EFCAB11: variants seen among roughly 807,000 people sequenced by gnomAD.
EFCAB11 encodes EF-hand calcium binding domain 11.
In EFCAB11, 14 loss-of-function variants were observed where a neutral mutation model predicts 23.0. The ratio of observed to expected loss-of-function variants is 0.61; its 90% confidence interval spans 0.40 to 0.95. The LOEUF (loss-of-function observed/expected upper bound fraction) is 0.95. Among genes scored for constraint, EFCAB11 ranks in the 40% least tolerant of loss-of-function variants. The probability of loss-of-function intolerance (pLI) is 0.00; values close to 1 mark genes in which losing one functional copy is unlikely to be tolerated. For synonymous variants in EFCAB11, 65 were observed against 66.6 expected (o/e 0.98, Z 0.11); for missense variants, 198 against 195.8 (o/e 1.01, Z -0.07).
intron 5 of EFCAB11, among the ~76,000 whole-genome samples, chr14:89,860,758 T>A (rs548253068): frequency 3.0e-4 from 46 of 152,356 alleles, no homozygotes; most frequent in African/African-American, 1.1e-3. Context: ...AAATAATGTT[T>A]CTGGGTTACA....
chr14:89,853,142 C>A lies in EFCAB11; in HGVS notation c.411-55818G>T, dbSNP rs181905211. Among the ~76,000 whole-genome samples the A allele has an allele frequency of 3.5e-4, 54 of 152,246 alleles. No homozygotes were observed. The East Asian group carries it at 8.9e-3, about 25-fold the overall frequency. On this transcript the variant is annotated intron_variant, in intron 5 of 5. Coordinates refer to ENST00000316738, the MANE Select transcript of EFCAB11 (RefSeq NM_145231.4). ...TAATTACAATAACAAGTTCAACTGG[C>A]ACAAATAGGCTTGGGAACAAACACA...
At chr14:89,893,680 G>A (rs1210225326) in intron 5 of EFCAB11, among the ~76,000 whole-genome samples, 6 of 151,464 alleles carry the variant, frequency 4.0e-5, no homozygotes, top group Non-Finnish European at 7.4e-5. Flanking sequence ...TGACATCATA[G>A]CCAAGTTATC....
At chr14:89,819,138 T>C (rs1199936717) in intron 5 of EFCAB11, among the ~76,000 whole-genome samples, 1 of 152,188 alleles carries the variant, frequency 6.6e-6, no homozygotes, top group Non-Finnish European at 1.5e-5. Context: ...CCCATCAACA[T>C]GGTACATTGT....
chr14:89,857,214 A>C (rs552116804), intron 5 of EFCAB11, among the ~76,000 whole-genome samples: 1 of 152,348 alleles, frequency 6.6e-6, no homozygotes, highest in Non-Finnish European at 1.5e-5. Flanking sequence ...TCAACCACAA[A>C]TAATAAAAAT....
chr14:89,950,461 T>C (rs1293471935), intron 2 of EFCAB11, among the ~76,000 whole-genome samples: 1 of 152,188 alleles, frequency 6.6e-6, no homozygotes, highest in Non-Finnish European at 1.5e-5. Flanking sequence ...CCTTTCTACT[T>C]TAGACAAATA....
Position 89,864,719 on chromosome 14 carries a change from G to GT in EFCAB11, c.410+66821dup, listed in dbSNP as rs1888032185. ...CTCCCAAAGTGCTGGGATTACAGGC[G>GT]TGAGCCACTATGTCCAGCCACATTT... On this transcript the variant is annotated intron_variant, in intron 5 of 5. Transcript: ENST00000316738. 2.0e-5 allele frequency among the ~76,000 whole-genome samples: 3 copies of GT among 152,104 alleles called. No individual in the cohort carries two copies. The South Asian group carries it at 6.2e-4, about 32-fold the overall frequency.
At chr14:89,881,884 C>A (rs1028207080) in intron 5 of EFCAB11, among the ~76,000 whole-genome samples, 2 of 152,112 alleles carry the variant, frequency 1.3e-5, no homozygotes, top group Non-Finnish European at 2.9e-5. Context: ...AAAATAATTT[C>A]AAACCTGGGT....
chr14:89,924,740 A>G, intron 5 of EFCAB11: 1 of 1,521,406 alleles, frequency 6.6e-7, no homozygotes, highest in Non-Finnish European at 8.8e-7. Flanking sequence ...TAGACAGAGG[A>G]AAATGGAAAG....
chr14:89,929,046 C>T (rs370211128), intron 5 of EFCAB11, among the ~76,000 whole-genome samples: 23,574 of 142,196 alleles, frequency 0.17, 2,533 homozygotes, highest in South Asian at 0.31. Flanking sequence ...TATATATATA[C>T]ACACACACAT....
intron 5 of EFCAB11, among the ~76,000 whole-genome samples, chr14:89,818,769 A>T (rs566732999): frequency 1.3e-5 from 2 of 152,354 alleles, no homozygotes; most frequent in African/African-American, 4.8e-5. Context: ...TACGCACATG[A>T]AAAGATATTC....
intron 5 of EFCAB11, among the ~76,000 whole-genome samples, chr14:89,807,908 T>G (rs1310359261): frequency 6.6e-6 from 1 of 152,188 alleles, no homozygotes; most frequent in Admixed American, 6.5e-5. Flanking sequence ...TGATTATTAC[T>G]CAGGAATCAA....
intron 5 of EFCAB11, among the ~76,000 whole-genome samples, chr14:89,850,651 T>G (rs1887575556): frequency 1.3e-5 from 2 of 152,232 alleles, no homozygotes; most frequent in African/African-American, 4.8e-5. Context: ...TTTGTATGTG[T>G]AAGTCCAGAT....
At chr14:89,855,813 T>G (rs1288347308) in intron 5 of EFCAB11, among the ~76,000 whole-genome samples, 11 of 152,146 alleles carry the variant, frequency 7.2e-5, no homozygotes. Flanking sequence ...TAACCACTGT[T>G]TTATTCTCTC....
chr14:89,828,721 A>T (rs1360157394), intron 5 of EFCAB11, among the ~76,000 whole-genome samples: 2 of 152,250 alleles, frequency 1.3e-5, no homozygotes, highest in African/African-American at 4.8e-5. Flanking sequence ...CTTATGAAGC[A>T]GATGTTCAAT....
intron 5 of EFCAB11, among the ~76,000 whole-genome samples, chr14:89,817,954 A>C (rs1272494577): frequency 6.6e-6 from 1 of 152,136 alleles, no homozygotes; most frequent in African/African-American, 2.4e-5. Flanking sequence ...AGATCACGCC[A>C]CCGTACTCCA....
At chr14:89,824,221 T>C (rs1886619961) in intron 5 of EFCAB11, among the ~76,000 whole-genome samples, 1 of 152,102 alleles carries the variant, frequency 6.6e-6, no homozygotes, top group Non-Finnish European at 1.5e-5. Flanking sequence ...ATATAAAAAC[T>C]ACCACTGACT....
At chr14:89,803,183 G>A (rs1450191833) in intron 5 of EFCAB11, among the ~76,000 whole-genome samples, 1 of 151,108 alleles carries the variant, frequency 6.6e-6, no homozygotes, top group African/African-American at 2.4e-5. Flanking sequence ...CACAGTTTAA[G>A]GCAATCCTTT....
At chr14:89,850,320 T>C (rs1473051980) in intron 5 of EFCAB11, among the ~76,000 whole-genome samples, 2 of 152,212 alleles carry the variant, frequency 1.3e-5, no homozygotes, top group African/African-American at 4.8e-5. Context: ...ACAGACACCA[T>C]GTGTCTTCCT....
chr14:89,820,694 C>T (rs571761656), intron 5 of EFCAB11, among the ~76,000 whole-genome samples: 11 of 152,242 alleles, frequency 7.2e-5, no homozygotes, highest in Non-Finnish European at 4.4e-5. Flanking sequence ...TATTCCCAAA[C>T]TGCAGCCTCT....
Sources: allele counts gnomAD v4.1 joint callset (sites outside exome capture counted in the v4.1 genomes callset), GRCh38; gene constraint gnomAD v4.1.1; transcripts MANE v1.5; gene names NCBI Gene and HGNC (gene_info 2026-07-23, HGNC 2026-07-21).